USP22: variants seen among roughly 807,000 people sequenced by gnomAD.
The protein encoded by USP22 is ubiquitin specific peptidase 22.
Under a neutral mutation model 68.1 loss-of-function variants are expected in USP22, and 22 were observed. That is an observed-to-expected ratio of 0.32 (90% CI 0.23 to 0.46). The LOEUF is 0.46. Among genes scored for constraint, USP22 ranks in the 20% least tolerant of loss-of-function variants. USP22 has a pLI of 1.00. For synonymous variants in USP22, 279 were observed against 274.2 expected, an observed-to-expected ratio of 1.02 and a Z score of -0.17; for missense variants, 433 against 695.8, an observed-to-expected ratio of 0.62 and a Z score of 4.25.
chr17:21,012,845 G>A lies in USP22; in HGVS notation c.929C>T (p.Thr310Ile). The part of the protein sequence containing the change: ...IFTGGLQSDV[T>I]CQVCHGVSTT... Reference sequence around the variant, plus strand: ...TCTCACTTACTGGCAGACTTGGCAGGTGACGTCTGACTGCAACCCGCCTGT... The same window carrying A: ...TCTCACTTACTGGCAGACTTGGCAGATGACGTCTGACTGCAACCCGCCTGT... Residue 310 changes from threonine to isoleucine, a missense_variant, in exon 7 of 13, where the codon ACC (threonine) becomes ATC (isoleucine). Around this residue, in one of 4 missense-constraint regions of USP22, gnomAD observed 178 missense variants for 351.5 expected, o/e 0.51. Transcript: ENST00000261497. 6.2e-7 allele frequency: 1 copy of A among 1,614,026 alleles called. No homozygotes were observed. The highest frequency in any genetic ancestry group is 8.5e-7 in the Non-Finnish European group (1 of 1,180,018).
chr17:21,013,770 G>C (rs370503131), intron 6 of USP22, among the ~76,000 whole-genome samples: 7 of 152,194 alleles, frequency 4.6e-5, no homozygotes, highest in South Asian at 2.1e-4. Context: ...ATACAGGAAG[G>C]CGCAAAGAAT....
intron 5 of USP22, among the ~76,000 whole-genome samples, chr17:21,017,210 A>C (rs1972094643): frequency 6.6e-6 from 1 of 152,244 alleles, no homozygotes; most frequent in East Asian, 1.9e-4. Flanking sequence ...GTGACCAGAC[A>C]GACATGAGTG....
intron 6 of USP22, among the ~76,000 whole-genome samples, chr17:21,013,507 G>A (rs1465025263): frequency 6.6e-6 from 1 of 152,152 alleles, no homozygotes; most frequent in East Asian, 1.9e-4. Context: ...GTGCAGATCT[G>A]TGAAAAAGAA....
At chr17:21,034,630 A>C (rs1484535720) in intron 1 of USP22, among the ~76,000 whole-genome samples, 1 of 152,166 alleles carries the variant, frequency 6.6e-6, no homozygotes, top group Non-Finnish European at 1.5e-5. Flanking sequence ...CATCTAGGCC[A>C]CCTGCCCGTT....
rs951305667 is a variant in USP22, at chr17:21,004,418, T to C, written c.1386-67A>G. The C allele has an allele frequency of 5.7e-6, 9 of 1,587,264 alleles. No individual in the cohort carries two copies. In the East Asian group the frequency reaches 9.0e-5, roughly 16 times the overall value. ...ATGCCGTCACTTGAGGTCATCACCA[T>C]CAGAAACCAGGCAGCCCAGGCAGGG... is the stretch of plus-strand genomic sequence containing the variant. On this transcript the variant is annotated intron_variant, in intron 11 of 12. Coordinates refer to ENST00000261497, the MANE Select transcript of USP22 (RefSeq NM_015276.2).
chr17:21,043,246 G>T (rs189568489), upstream of USP22: 70 of 160,828 alleles, frequency 4.4e-4, no homozygotes, highest in Non-Finnish European at 2.9e-4. Context: ...GCGTGGTAGG[G>T]GGGGGAAGCT....
chr17:21,019,282 G>C, intron 3 of USP22, 97 bp from the exon 4 acceptor site: 1 of 1,185,682 alleles, frequency 8.4e-7, no homozygotes, highest in South Asian at 1.3e-5. Context: ...GTCTGTCAGG[G>C]TGCATTTCAG....
At chr17:21,015,637 C>T in intron 6 of USP22, 115 bp downstream of exon 6, 3 of 1,368,106 alleles carry the variant, frequency 2.2e-6, no homozygotes, top group Non-Finnish European at 2.9e-6. Context: ...GATGACAAAA[C>T]AATGGAATGT....
At chr17:21,026,160 A>T (rs1454752719) in intron 2 of USP22, among the ~76,000 whole-genome samples, 2 of 152,172 alleles carry the variant, frequency 1.3e-5, no homozygotes, top group Non-Finnish European at 2.9e-5. Flanking sequence ...CGGGTGGCTG[A>T]GGCAGGAGAA....
intron 3 of USP22, 116 bp downstream of exon 3, chr17:21,020,997 C>T: frequency 1.3e-6 from 1 of 790,818 alleles, no homozygotes; most frequent in African/African-American, 1.7e-5. Context: ...GGGACGGCCT[C>T]TTCCCACCAG....
chr17:21,015,881 A>G lies in USP22; in HGVS notation c.709T>C (p.Ser237Pro). ...LFQEFYSGHR[S>P]PHIPYKLLHL... ...AGCAACTTATACGGGATGTGAGGGG[A>G]CCGGTGTCCAGAGTAAAACTGCCAG... Residue 237 changes from serine (S) to proline (P), a missense_variant, in exon 6 of 13, where the codon TCC becomes CCC. Ser to Pro is a moderately conservative substitution (Grantham distance 74). Around this residue, in one of 4 missense-constraint regions of USP22, gnomAD observed 144 missense variants for 237.2 expected, o/e 0.61. Transcript: ENST00000261497. 6.2e-7 allele frequency: 1 copy of G among 1,614,024 alleles called. No homozygotes were observed. Among genetic ancestry groups the G allele is most frequent in the Non-Finnish European group, 8.5e-7 (1 of 1,180,000 alleles).
In USP22 at chr17:21,001,347, ACT is replaced by A. The variant is rs1190889806; in HGVS notation, c.*1682_*1683del. ...CACTGAGCAGTGAGTAGCAGCTGCC[ACT>A]GTCACTACCCCCTCCCCAGCCCAGC... On this transcript the variant is annotated 3_prime_UTR_variant, in exon 13 of 13. Coordinates refer to ENST00000261497, the MANE Select transcript of USP22 (RefSeq NM_015276.2). The A allele has an allele frequency of 6.6e-6, 1 of 152,188 alleles. No homozygotes were observed. The highest frequency in any genetic ancestry group is 2.4e-5 in the African/African-American group (1 of 41,434). The allele number at this position is 152,188 out of a possible 1,614,324, so 9.4% of individuals were successfully genotyped here. A position where few individuals can be genotyped will look rare whatever the true frequency, so the allele number is the denominator to read the frequency against.
chr17:21,007,810 G>A (rs1218083136), intron 9 of USP22, 60 bp downstream of exon 9: 2 of 1,606,804 alleles, frequency 1.2e-6, no homozygotes, highest in African/African-American at 2.7e-5. Flanking sequence ...AAAGGCTGAG[G>A]ACCGTACTGT....
At chr17:21,022,595 T>G (rs909873133) in intron 2 of USP22, among the ~76,000 whole-genome samples, 10 of 151,938 alleles carry the variant, frequency 6.6e-5, no homozygotes, top group Non-Finnish European at 1.5e-4. Flanking sequence ...GTCAGGAGAT[T>G]GAGACCATCC....
intron 2 of USP22, among the ~76,000 whole-genome samples, chr17:21,026,950 C>T (rs906386836): frequency 6.6e-6 from 1 of 151,958 alleles, no homozygotes; most frequent in Non-Finnish European, 1.5e-5. Flanking sequence ...TGCAGGCGTG[C>T]GCCACAGCAC....
chr17:21,036,147 T>C (rs1017821040), intron 1 of USP22, among the ~76,000 whole-genome samples: 4 of 147,692 alleles, frequency 2.7e-5, no homozygotes, highest in Non-Finnish European at 5.9e-5. Flanking sequence ...ATGAACCCAA[T>C]GATATGACAT....
At chr17:21,004,766 T>C (rs1913726078) in intron 11 of USP22, among the ~76,000 whole-genome samples, 162 bp downstream of exon 11, 1 of 151,980 alleles carries the variant, frequency 6.6e-6, no homozygotes, top group South Asian at 2.1e-4. Flanking sequence ...GAGCGGCCTT[T>C]CCTAGTGGAG....
chr17:21,043,313 C>CCCCCCCCCCCCCCCT (rs1972475825), upstream of USP22: 1 of 88,720 alleles, frequency 1.1e-5, no homozygotes, highest in Non-Finnish European at 2.6e-5. Flanking sequence ...CCCCCCCCCC[C>CCCCCCCCCCCCCCCT]CCGGCACCTT....
chr17:21,007,582 G>A (rs993447328), intron 9 of USP22, among the ~76,000 whole-genome samples: 4 of 152,178 alleles, frequency 2.6e-5, no homozygotes, highest in Admixed American at 2.0e-4. Flanking sequence ...TGAGGAGGGG[G>A]TAGCTGGAGG....
Sources: gnomAD v4.1 joint callset for allele counts (sites outside exome capture counted in the v4.1 genomes callset) on GRCh38, gnomAD v4.1.1 for gene constraint, gnomAD v4.1.1 regional missense constraint, MANE v1.5 for transcripts, NCBI Gene and HGNC (gene_info 2026-07-23, HGNC 2026-07-21) for gene names.